The following FN3KRP variants were observed in gnomAD, a reference collection of about 807,000 sequenced individuals.
FN3KRP encodes fructosamine 3 kinase related protein.
FN3KRP carries 33 observed loss-of-function variants against 29.8 expected under a neutral mutation model. That is an observed-to-expected ratio of 1.11 (90% CI 0.84 to 1.48). The LOEUF (loss-of-function observed/expected upper bound fraction) is 1.48. Ranked by LOEUF, FN3KRP falls within the 40% of genes most tolerant of loss-of-function variation. The probability of loss-of-function intolerance (pLI) is 0.00; values close to 1 mark genes in which losing one functional copy is unlikely to be tolerated. For missense variants in FN3KRP, 430 were observed against 402.6 expected (o/e 1.07, Z -0.58); for synonymous variants, 157 against 155.2 (o/e 1.01, Z -0.09).
intron 3 of FN3KRP, 28 bp from the exon 4 acceptor site, chr17:82,722,776 T>A (rs1191023495): frequency 1.2e-6 from 2 of 1,610,310 alleles, no homozygotes; most frequent in African/African-American, 2.7e-5. Context: ...TTGGAACTAA[T>A]TTCCTTTCTT....
chr17:82,716,810 C>A lies in FN3KRP; in HGVS notation c.55C>A (p.His19Asn), dbSNP rs1196449459. The A allele has an allele frequency of 6.4e-7, 1 of 1,552,544 alleles. No homozygotes were observed. Residue 19 changes from histidine (H) to asparagine (N), a missense_variant, in exon 1 of 6, where the codon CAC becomes AAC. His to Asn is a moderately conservative substitution (Grantham distance 68). Coordinates refer to ENST00000269373, the MANE Select transcript of FN3KRP (RefSeq NM_024619.4). ...CTGCAGCTCTGTCAGGGCCACGGGCCACTCGGGGGGCGGGTGCATCAGCCA... is the reference window on the plus strand; with the variant it reads ...CTGCAGCTCTGTCAGGGCCACGGGCAACTCGGGGGGCGGGTGCATCAGCCA... ...LGCSSVRATG[H>N]SGGGCISQGR... is the part of the protein sequence containing the mutation.
chr17:82,718,880 C>A (rs2046777916), intron 1 of FN3KRP, 26 bp from the exon 2 acceptor site: 1 of 1,606,486 alleles, frequency 6.2e-7, no homozygotes, highest in South Asian at 1.1e-5. Flanking sequence ...CCTGTATTTC[C>A]ACTTCCTCTC....
chr17:82,718,965 G>C lies in FN3KRP; in HGVS notation c.201G>C (p.Thr67=). 6.2e-7 allele frequency: 1 copy of C among 1,614,174 alleles called. No homozygotes were observed. The highest frequency in any genetic ancestry group is 8.5e-7 in the Non-Finnish European group (1 of 1,180,012). The change falls in exon 2 of 6, where the codon ACG becomes ACC. Residue 67 remains threonine (T), a synonymous_variant. Coordinates refer to ENST00000269373, the MANE Select transcript of FN3KRP (RefSeq NM_024619.4). ...TAACTGCCATCCTGAAAACAAACAC[G>C]GTGAAAGTGCCCAAGCCCATCAAGG... The part of the protein sequence containing the change: ...ASLTAILKTN[T]VKVPKPIKVL...
At position 82,722,876 on chromosome 17, in the gene FN3KRP, A is replaced by G. The variant is rs893353540; in HGVS notation, c.458A>G (p.Tyr153Cys). ...TTTGACGTGGTGACGTGCTGTGGATACCTCCCCCAGGTGAGTGCACGGCGT... is the reference window on the plus strand; with the variant it reads ...TTTGACGTGGTGACGTGCTGTGGATGCCTCCCCCAGGTGAGTGCACGGCGT... ...FGFDVVTCCG[Y>C]LPQVNDWQED... The change falls in exon 4 of 6, where the codon TAC (tyrosine) becomes TGC (cysteine). Residue 153 changes from tyrosine (Y) to cysteine (C), a missense_variant. Physicochemically the swap from Tyr to Cys is radical, Grantham distance 194. Coordinates refer to ENST00000269373, the MANE Select transcript of FN3KRP (RefSeq NM_024619.4). 5 of 1,613,248 alleles carry G rather than the reference A, an allele frequency of 3.1e-6. No homozygotes were observed. In the African/African-American group the frequency reaches 5.4e-5, roughly 17 times the overall value.
rs553029612 is a variant in FN3KRP at position 82,724,585 on chromosome 17, CAA to C, written c.468+1700_468+1701del. Among the ~76,000 whole-genome samples the C allele has an allele frequency of 5.0e-3, 747 of 148,102 alleles. 2 individuals carry two copies. The highest frequency in any genetic ancestry group is 8.6e-3 in the Non-Finnish European group (573 of 66,934). ...CGCCATTGCACTCCAGCCTGGGTGA[CAA>C]GAGTGAAACTTCATCTCAAAAAAGA... On this transcript the variant is annotated intron_variant, in intron 4 of 5. Coordinates refer to ENST00000269373, the MANE Select transcript of FN3KRP (RefSeq NM_024619.4).
At position 82,719,095 on chromosome 17, in the gene FN3KRP, C is replaced by G. The variant is rs7207719; in HGVS notation, c.293+38C>G. ...ACCACCCCCCACCTGGCTTTATTAC[C>G]TGAGCAGGTGTGTCTTCACACCTTG... On this transcript the variant is annotated intron_variant, in intron 2 of 5. Coordinates refer to ENST00000269373, the MANE Select transcript of FN3KRP (RefSeq NM_024619.4). 612,199 of 1,557,408 alleles carry G rather than the reference C, an allele frequency of 0.39. 122,909 individuals are homozygous for G. Among genetic ancestry groups the G allele is most frequent in the South Asian group, 0.58 (51,343 of 88,882 alleles).
rs1356024614 is a variant in FN3KRP at position 82,716,761 on chromosome 17, G to A, written c.6G>A (p.Glu2=). Residue 2 remains glutamate (E), a synonymous_variant, in exon 1 of 6, where the codon GAG becomes GAA. Transcript: ENST00000269373. ...TCCGCGGCCGCGGCGGGAACATGGA[G>A]GAGCTCCTGAGGCGCGAGCTGGGCT... M[E]ELLRRELGCS... The A allele has an allele frequency of 6.6e-7, 1 of 1,511,066 alleles. No individual in the cohort carries two copies. The highest frequency in any genetic ancestry group is 2.6e-5 in the Admixed American group (1 of 38,744). The allele number at this position is 1,511,066 out of a possible 1,614,324, so 93.6% of individuals were successfully genotyped here.
chr17:82,719,097 G>A, intron 2 of FN3KRP, 40 bp downstream of exon 2: 3 of 1,528,114 alleles, frequency 2.0e-6, no homozygotes, highest in Non-Finnish European at 2.7e-6. Context: ...TTTATTACCT[G>A]AGCAGGTGTG....
intron 3 of FN3KRP, among the ~76,000 whole-genome samples, chr17:82,722,176 C>A (rs1457808427): frequency 3.3e-5 from 5 of 151,848 alleles, no homozygotes; most frequent in Non-Finnish European, 7.4e-5. Flanking sequence ...CTCTCGTTGC[C>A]CAGGCTGGAG....
chr17:82,723,626 TATGTGTGCACAC>T (rs893825092), intron 4 of FN3KRP, among the ~76,000 whole-genome samples: 10 of 152,064 alleles, frequency 6.6e-5, no homozygotes, highest in Admixed American at 4.6e-4. Context: ...TGCATATGTG[TATGTGTGCACAC>T]GTGTGTGCAT....
chr17:82,718,797 G>A (rs2046777456), intron 1 of FN3KRP, 109 bp from the exon 2 acceptor site: 1 of 1,362,016 alleles, frequency 7.3e-7, no homozygotes, highest in Admixed American at 1.9e-5. Context: ...CCTCAGTCAG[G>A]ATAGTCTTGG....
In FN3KRP at chr17:82,726,966, C is replaced by T. The variant is rs771035632; in HGVS notation, c.725C>T (p.Ser242Leu). Residue 242 changes from serine to leucine, a missense_variant, in exon 6 of 6, where the codon TCG becomes TTG. Ser to Leu is a moderately radical substitution (Grantham distance 145, BLOSUM62 -2). Coordinates refer to ENST00000269373, the MANE Select transcript of FN3KRP (RefSeq NM_024619.4). ...GACCCAGCTTCTTTCTACGGCCACT[C>T]GGAATATGAGCTGGCAATAGCTGGC... ...IFDPASFYGH[S>L]EYELAIAGMF... 1.1e-5 allele frequency: 18 copies of T among 1,613,800 alleles called. No individual in the cohort carries two copies. The highest frequency in any genetic ancestry group is 1.0e-4 in the Admixed American group (6 of 59,936).
At chr17:82,726,367 CT>C (rs2046836926) in intron 4 of FN3KRP, 112 bp from the exon 5 acceptor site, 2 of 1,375,194 alleles carry the variant, frequency 1.5e-6, no homozygotes, top group East Asian at 4.7e-5. Context: ...ACTGCCACCC[CT>C]CCCACGTGCC....
intron 4 of FN3KRP, among the ~76,000 whole-genome samples, chr17:82,723,795 G>A (rs904539541): frequency 4.6e-5 from 7 of 152,036 alleles, no homozygotes; most frequent in Admixed American, 3.9e-4. Flanking sequence ...CTGTGACCTG[G>A]ATGTCCTTTC....
chr17:82,718,548 G>T, intron 1 of FN3KRP: 1 of 1,037,998 alleles, frequency 9.6e-7, no homozygotes, highest in Middle Eastern at 4.8e-4. Flanking sequence ...CTGCAGTTGA[G>T]GTGTCGTCTG....
At chr17:82,721,656 C>T (rs911289179) in intron 3 of FN3KRP, among the ~76,000 whole-genome samples, 1 of 151,622 alleles carries the variant, frequency 6.6e-6, no homozygotes, top group Non-Finnish European at 1.5e-5. Flanking sequence ...GCGCCTGCCA[C>T]CACGCCTGGC....
rs2046850843 is a variant in FN3KRP at position 82,727,970 on chromosome 17, TC to T, written c.*801del. The T allele has an allele frequency of 6.6e-6, 1 of 152,230 alleles. No individual in the cohort carries two copies. The highest frequency in any genetic ancestry group is 2.1e-4 in the South Asian group (1 of 4,832). 9.4% of individuals were successfully genotyped at this position (152,230 alleles called of 1,614,324 possible). Reference sequence around the variant, plus strand: ...CATGAATGGCATTGATGCTAATAAATCCTTTGCACAAAAATTTGAATAAACT... The same window carrying T: ...CATGAATGGCATTGATGCTAATAAATCTTTGCACAAAAATTTGAATAAACT... On this transcript the variant is annotated 3_prime_UTR_variant, in exon 6 of 6. Coordinates refer to ENST00000269373, the MANE Select transcript of FN3KRP (RefSeq NM_024619.4).
At position 82,726,501 on chromosome 17, in the gene FN3KRP, T is replaced by G; in HGVS notation, c.490T>G (p.Trp164Gly). 1 of 1,614,106 alleles carries G rather than the reference T, an allele frequency of 6.2e-7. No individual in the cohort carries two copies. ...GCAGGTGAATGACTGGCAGGAGGAC[T>G]GGGTCGTGTTCTATGCCCGGCAGCG... ...LPQVNDWQED[W>G]VVFYARQRIQ... Residue 164 changes from tryptophan to glycine, a missense_variant, in exon 5 of 6, where the codon TGG becomes GGG. Physicochemically the swap from Trp to Gly is radical, Grantham distance 184 (BLOSUM62 -2). Transcript: ENST00000269373.
At position 82,722,812 on chromosome 17, in the gene FN3KRP, G is replaced by T. The variant is rs897156457; in HGVS notation, c.394G>T (p.Gly132Cys). 2.4e-5 allele frequency: 38 copies of T among 1,613,834 alleles called. No individual in the cohort carries two copies. Among genetic ancestry groups the T allele is most frequent in the Non-Finnish European group, 2.8e-5 (33 of 1,180,000 alleles). Reference protein sequence around the residue: ...LKEAGTVGRGGGQEERPFVAR... With the variant: ...LKEAGTVGRGCGQEERPFVAR... ...TTACTTTTGCTTGCAAGGGAGAGGA[G>T]GTGGGCAGGAGGAACGGCCCTTTGT... Residue 132 changes from glycine (G) to cysteine (C), a missense_variant, in exon 4 of 6, where the codon GGT (glycine) becomes TGT (cysteine). Transcript: ENST00000269373.
Sources: gnomAD v4.1 joint callset for allele counts (sites outside exome capture counted in the v4.1 genomes callset) on GRCh38, gnomAD v4.1.1 for gene constraint, MANE v1.5 for transcripts, NCBI Gene and HGNC (gene_info 2026-07-23, HGNC 2026-07-21) for gene names.